Variants in UNC45B observed in about 807,000 individuals in gnomAD.
The protein encoded by UNC45B is protein unc-45 homolog B.
A neutral mutation model predicts 98.7 loss-of-function variants in UNC45B; 78 were observed. The ratio of observed to expected loss-of-function variants is 0.79; its 90% confidence interval spans 0.66 to 0.95. UNC45B has a LOEUF of 0.95. Ranked by LOEUF, UNC45B falls within the 40% of genes least tolerant of loss-of-function variation. The pLI is 0.00. For synonymous variants in UNC45B, 462 were observed against 480.4 expected, an observed-to-expected ratio of 0.96 and a Z score of 0.50; for missense variants, 1,225 against 1,184.9, an observed-to-expected ratio of 1.03 and a Z score of -0.50.
At chr17:35,148,078 G>A (rs2091986636) in intron 1 of UNC45B, among the ~76,000 whole-genome samples, 168 bp downstream of exon 1, 1 of 152,188 alleles carries the variant, frequency 6.6e-6, no homozygotes, top group Admixed American at 6.5e-5. Context: ...CAAGCTCTGA[G>A]CAAATGCTAT....
At chr17:35,177,375 A>G in intron 16 of UNC45B, 120 bp from the exon 17 acceptor site, 1 of 749,010 alleles carries the variant, frequency 1.3e-6, no homozygotes, top group Non-Finnish European at 2.2e-6. Context: ...CATTGTGAGG[A>G]TGAAATCAGA....
intron 19 of UNC45B, among the ~76,000 whole-genome samples, chr17:35,184,370 C>T (rs1034118936): frequency 6.6e-6 from 1 of 152,206 alleles, no homozygotes; most frequent in Admixed American, 6.5e-5. Flanking sequence ...TAAGAATCAC[C>T]TGGGCAACTT....
At chr17:35,179,284 T>C (rs1216754558) in intron 17 of UNC45B, among the ~76,000 whole-genome samples, 1 of 152,206 alleles carries the variant, frequency 6.6e-6, no homozygotes, top group Non-Finnish European at 1.5e-5. Flanking sequence ...CCTTGTAAAT[T>C]GGATTCCTAG....
rs1301173747 is a variant in UNC45B at position 35,186,512 on chromosome 17, T to C, written c.2743T>C (p.Cys915Arg). The change falls in exon 20 of 20, where the codon TGT becomes CGT. Residue 915 changes from cysteine to arginine, a missense_variant. By Grantham distance (180) the Cys-to-Arg change is radical. Transcript: ENST00000394570. ...AGAAGTGGTTCAGACAGCCCGAGAA[T>C]GTCTCATCAAGTGCATGGATTATGG... ...KAEVVQTARE[C>R]LIKCMDYGFI... The C allele has an allele frequency of 1.2e-6, 2 of 1,614,082 alleles. No individual in the cohort carries two copies. The highest frequency in any genetic ancestry group is 1.7e-6 in the Non-Finnish European group (2 of 1,180,042).
chr17:35,179,672 G>C (rs1400168042), intron 17 of UNC45B, among the ~76,000 whole-genome samples: 1 of 151,930 alleles, frequency 6.6e-6, no homozygotes, highest in Non-Finnish European at 1.5e-5. Context: ...AACACCGCAT[G>C]TTCTCACTCG....
chr17:35,152,276 C>T (rs1331587781), intron 4 of UNC45B, among the ~76,000 whole-genome samples: 2 of 151,986 alleles, frequency 1.3e-5, no homozygotes, highest in South Asian at 2.1e-4. Flanking sequence ...AAAAAATGTG[C>T]TCAGAAGTAG....
chr17:35,178,045 G>C (rs1451350760), intron 17 of UNC45B, among the ~76,000 whole-genome samples: 4 of 152,038 alleles, frequency 2.6e-5, no homozygotes, highest in Non-Finnish European at 4.4e-5. Context: ...GACTACAGGA[G>C]TACGCCACCA....
chr17:35,187,622 T>G lies in UNC45B; in HGVS notation c.*1063T>G, dbSNP rs1421791301. ...CATATATACAAGTCTAGGGAAGAAA[T>G]GAGCTTCATCCCTGTCCAATTGACA... On this transcript the variant is annotated 3_prime_UTR_variant, in exon 20 of 20. Transcript: ENST00000394570. 6.6e-6 allele frequency: 1 copy of G among 152,138 alleles called. No individual in the cohort carries two copies. Among genetic ancestry groups the G allele is most frequent in the Admixed American group, 6.5e-5 (1 of 15,268 alleles). The allele number at this position is 152,138 out of a possible 1,614,324, so 9.4% of individuals were successfully genotyped here.
chr17:35,186,132 AATTAACAC>A (rs1336607954), intron 19 of UNC45B, among the ~76,000 whole-genome samples, 159 bp from the exon 20 acceptor site: 1 of 152,210 alleles, frequency 6.6e-6, no homozygotes, highest in African/African-American at 2.4e-5. Context: ...CTGCTGCAAG[AATTAACAC>A]ATTCCTGTGA....
rs73989550 is a variant in UNC45B, at chr17:35,155,226, C to T, written c.640-70C>T. 3.0e-3 allele frequency: 4,768 copies of T among 1,568,852 alleles called. 129 individuals are homozygous for T. The African/African-American group carries it at 0.057, about 19-fold the overall frequency. On this transcript the variant is annotated intron_variant, in intron 6 of 19. Transcript: ENST00000394570. Reference sequence around the variant, plus strand: ...ATAGGGTGGGGAGGATTATCACACCCTCTCTAACCTGCATGGCAGCTAGAA... The same window carrying T: ...ATAGGGTGGGGAGGATTATCACACCTTCTCTAACCTGCATGGCAGCTAGAA...
intron 9 of UNC45B, among the ~76,000 whole-genome samples, chr17:35,166,574 G>A (rs557475470): frequency 6.6e-5 from 10 of 152,286 alleles, no homozygotes; most frequent in African/African-American, 2.2e-4. Flanking sequence ...GCCCCAGCCT[G>A]CCCCTAGCAA....
intron 14 of UNC45B, 145 bp from the exon 15 acceptor site, chr17:35,175,823 G>A (rs981767617): frequency 4.1e-5 from 29 of 699,328 alleles, no homozygotes; most frequent in Middle Eastern, 3.9e-4. Flanking sequence ...GTTAATTCTG[G>A]GGCACAGGCA....
rs556170038 is a variant in UNC45B, at chr17:35,170,396, T to C, written c.1689+141T>C. 10 of 1,086,576 alleles carry C rather than the reference T, an allele frequency of 9.2e-6. No homozygotes were observed. The South Asian group carries it at 2.4e-4, about 26-fold the overall frequency. 67.3% of individuals were successfully genotyped at this position (1,086,576 alleles called of 1,614,324 possible). ...ACATGATTGGTTATTTCCCCCTTTC[T>C]GGCCCTCATTTTACCTGATTGTAAA... On this transcript the variant is annotated intron_variant, in intron 12 of 19. Coordinates refer to ENST00000394570, the MANE Select transcript of UNC45B (RefSeq NM_001267052.2).
At chr17:35,156,196 A>G (rs1485500436) in intron 7 of UNC45B, among the ~76,000 whole-genome samples, 1 of 152,184 alleles carries the variant, frequency 6.6e-6, no homozygotes, top group African/African-American at 2.4e-5. Context: ...AGGATGGAAG[A>G]GGGGAAATGG....
rs1283360798 is a variant in UNC45B, at chr17:35,148,962, C to G, written c.169-11C>G. 1.9e-6 allele frequency: 3 copies of G among 1,613,954 alleles called. No homozygotes were observed. Among genetic ancestry groups the G allele is most frequent in the East Asian group, 2.2e-5 (1 of 44,886 alleles). ...ATTAACCGAGTCTCCTTCTCCTTCC[C>G]CTTTCCTCAGGAGAGCTACGTCCAG... On this transcript the variant is annotated splice_polypyrimidine_tract_variant and intron_variant, in intron 2 of 19. Transcript: ENST00000394570.
chr17:35,168,470 A>G (rs2092157985), intron 10 of UNC45B, 109 bp downstream of exon 10: 3 of 995,000 alleles, frequency 3.0e-6, no homozygotes, highest in Admixed American at 3.8e-5. Flanking sequence ...GACCAGGTTC[A>G]AGGGGGCACC....
chr17:35,174,493 G>C (rs1299377721), intron 14 of UNC45B, 124 bp downstream of exon 14: 2 of 1,390,352 alleles, frequency 1.4e-6, no homozygotes, highest in Non-Finnish European at 9.7e-7. Context: ...TATTGGGAAA[G>C]CCTGGAGAAA....
intron 8 of UNC45B, 149 bp downstream of exon 8, chr17:35,159,694 C>T (rs1442294310): frequency 1.0e-5 from 9 of 901,902 alleles, no homozygotes; most frequent in African/African-American, 3.4e-5. Context: ...CAGGATCCAC[C>T]AGTGGGCCTG....
chr17:35,153,098 T>C (rs752668492), intron 5 of UNC45B, 116 bp downstream of exon 5: 14 of 855,562 alleles, frequency 1.6e-5, no homozygotes, highest in Admixed American at 2.4e-5. Context: ...GGAAGGAAAA[T>C]TGGCCAAAGG....
Sources: allele counts gnomAD v4.1 joint callset (sites outside exome capture counted in the v4.1 genomes callset), GRCh38; gene constraint gnomAD v4.1.1; transcripts MANE v1.5; gene names NCBI Gene and HGNC (gene_info 2026-07-23, HGNC 2026-07-21).